Variants in FGF13 observed in about 807,000 individuals in gnomAD.
FGF13 encodes the protein fibroblast growth factor homologous factor 2.
FGF13 carries 2 observed loss-of-function variants against 19.5 expected under a neutral mutation model. That is an observed-to-expected ratio of 0.10 (90% CI 0.04 to 0.32). The LOEUF (loss-of-function observed/expected upper bound fraction) is 0.32. Among genes scored for constraint, FGF13 ranks in the 10% least tolerant of loss-of-function variants. FGF13 has a pLI of 1.00. For synonymous variants in FGF13, 72 were observed against 76.9 expected (o/e 0.94, Z 0.33); for missense variants, 113 against 192.7 (o/e 0.59, Z 2.45).
intron 1 of FGF13, among the ~76,000 whole-genome samples, chrX:138,880,069 C>A (rs1382763516): frequency 2.7e-5 from 3 of 112,006 alleles, no homozygotes; most frequent in Non-Finnish European, 5.6e-5. Flanking sequence ...GACCAACAAA[C>A]GTATGAAAAA....
intron 1 of FGF13, among the ~76,000 whole-genome samples, chrX:139,054,208 C>T (rs1184156024): frequency 1.2e-4 from 12 of 103,359 alleles, no homozygotes; most frequent in Non-Finnish European, 1.8e-4. Flanking sequence ...CTGCAAACTC[C>T]GCCTCCCGGG....
chrX:139,039,357 T>G (rs1259811736), intron 1 of FGF13, among the ~76,000 whole-genome samples: 1 of 111,939 alleles, frequency 8.9e-6, no homozygotes, highest in Non-Finnish European at 1.9e-5. Context: ...CATCAAGATT[T>G]TCTGAAGCCC....
chrX:139,082,205 C>T (rs1312640256), intron 1 of FGF13, among the ~76,000 whole-genome samples: 2 of 111,482 alleles, frequency 1.8e-5, no homozygotes, highest in Non-Finnish European at 3.8e-5. Context: ...AGCCTTTCCT[C>T]TGTCTAGAGT....
In FGF13 at chrX:138,969,247, G is replaced by A. The variant is rs750435636; in HGVS notation, c.-112-104597C>T. ...GATGGAGGAGAGGGATTGATTGGAG[G>A]TAAGGAATTCTGTTAAGTTATTGCT... is the stretch of plus-strand genomic sequence containing the variant. On this transcript the variant is annotated intron_variant, in intron 1 of 2. Coordinates refer to the FGF13 transcript ENST00000421460. 9.8e-5 allele frequency among the ~76,000 whole-genome samples: 11 copies of A among 111,879 alleles called. No individual in the cohort carries two copies. In the South Asian group the frequency reaches 4.2e-3, roughly 42 times the overall value.
intron 1 of FGF13, among the ~76,000 whole-genome samples, chrX:139,078,263 C>G (rs2083345490): frequency 9.2e-6 from 1 of 109,271 alleles, no homozygotes; most frequent in African/African-American, 3.3e-5. Flanking sequence ...GATACTGGGC[C>G]CTCACTTCGC....
rs1327034759 is a variant in FGF13 at position 138,874,200 on chromosome X, C to T, written c.-112-9550G>A. ...TAAAGTAAAATTAAAAAAAAAAAAC[C>T]ATTTCCCAATTCTCATACTAAGGAC... On this transcript the variant is annotated intron_variant, in intron 1 of 2. Transcript: ENST00000421460. Among the ~76,000 whole-genome samples, 4 of 99,467 alleles carry T rather than the reference C, an allele frequency of 4.0e-5. No individual in the cohort carries two copies. The East Asian group carries it at 1.3e-3, about 32-fold the overall frequency. 86.4% of individuals were successfully genotyped at this position (99,467 alleles called of 115,157 possible). A position where few individuals can be genotyped will look rare whatever the true frequency, so the allele number is the denominator to read the frequency against.
intron 3 of FGF13, among the ~76,000 whole-genome samples, chrX:138,761,783 A>G (rs1259952531): frequency 9.0e-6 from 1 of 111,269 alleles, no homozygotes; most frequent in Non-Finnish European, 1.9e-5. Context: ...TGATATTCCC[A>G]TACCTTGACT....
intron 1 of FGF13, among the ~76,000 whole-genome samples, chrX:138,883,906 C>A (rs1325108605): frequency 3.6e-5 from 4 of 112,006 alleles, no homozygotes; most frequent in Non-Finnish European, 5.6e-5. Context: ...TATTAACAAG[C>A]AAAATGCTAA....
intron 3 of FGF13, among the ~76,000 whole-genome samples, chrX:138,803,921 G>C (rs1318571698): frequency 8.9e-6 from 1 of 111,863 alleles, no homozygotes; most frequent in Non-Finnish European, 1.9e-5. Context: ...TTGGTCTTTT[G>C]ATTTGATGCC....
At chrX:138,742,414 AG>A (rs949879985), upstream of FGF13, among the ~76,000 whole-genome samples, 10 of 112,011 alleles carry the variant, frequency 8.9e-5, no homozygotes, top group African/African-American at 3.2e-4. Context: ...GTTTTAATCC[AG>A]ATAGTGTAAA....
rs373214768 is a variant in FGF13 at position 139,109,686 on chromosome X, C to T, written c.-113+93730G>A. Among the ~76,000 whole-genome samples, 4 of 111,559 alleles carry T rather than the reference C, an allele frequency of 3.6e-5. No homozygotes were observed. The East Asian group carries it at 1.1e-3, about 31-fold the overall frequency. On this transcript the variant is annotated intron_variant, in intron 1 of 2. Coordinates refer to the FGF13 transcript ENST00000421460. ...TGAATAATGACCAAAACTTCTTCAC[C>T]TGGCTGTTGAGAGGCTCAAGTGAAA...
chrX:138,839,290 C>T (rs2091133466), intron 3 of FGF13, among the ~76,000 whole-genome samples: 1 of 110,745 alleles, frequency 9.0e-6, no homozygotes, highest in Non-Finnish European at 1.9e-5. Context: ...CCAAATAAAT[C>T]ATTAAAAAAA....
At chrX:139,157,972 T>A (rs1303348886) in intron 1 of FGF13, among the ~76,000 whole-genome samples, 1 of 111,754 alleles carries the variant, frequency 8.9e-6, no homozygotes, top group African/African-American at 3.3e-5. Flanking sequence ...TGAAGCAGGG[T>A]GGGGCGTTGC....
intron 3 of FGF13, among the ~76,000 whole-genome samples, chrX:138,765,766 A>T (rs1185048420): frequency 9.0e-6 from 1 of 111,380 alleles, no homozygotes; most frequent in African/African-American, 3.3e-5. Flanking sequence ...TAGAGAAAAC[A>T]TCACCATCCT....
chrX:138,750,224 A>AT (rs923196746), intron 3 of FGF13, among the ~76,000 whole-genome samples: 19 of 111,265 alleles, frequency 1.7e-4, no homozygotes, highest in Admixed American at 1.6e-3. Flanking sequence ...GCATTTCCCC[A>AT]TTTTTTTAAA....
Position 139,088,767 on chromosome X carries a change from T to C in FGF13, c.-113+114649A>G, listed in dbSNP as rs1322815988. On this transcript the variant is annotated intron_variant, in intron 1 of 2. Transcript: ENST00000421460. ...ACACTCCATCGAGGAGGCTACAGTC[T>C]GAATGTCTGCATCCCCACAAAACTC... Among the ~76,000 whole-genome samples the C allele has an allele frequency of 2.7e-5, 3 of 111,780 alleles. No individual in the cohort carries two copies. In the Admixed American group the frequency reaches 2.8e-4, roughly 11 times the overall value.
intron 1 of FGF13, among the ~76,000 whole-genome samples, chrX:139,005,274 CA>C (rs1317318402): frequency 2.1e-5 from 2 of 93,974 alleles, no homozygotes; most frequent in East Asian, 7.3e-4. Flanking sequence ...GGGAAGAGAA[CA>C]AAAGTTTTTG....
chrX:138,865,123 G>A (rs1464790621), intron 1 of FGF13, among the ~76,000 whole-genome samples: 3 of 111,627 alleles, frequency 2.7e-5, no homozygotes, highest in African/African-American at 9.8e-5. Flanking sequence ...ATTGGAGAAC[G>A]ACTCTCCCAA....
intron 3 of FGF13, among the ~76,000 whole-genome samples, chrX:138,768,684 T>TTA (rs1454243186): frequency 6.9e-5 from 7 of 100,845 alleles, no homozygotes; most frequent in Non-Finnish European, 1.2e-4. Context: ...TATATCATAC[T>TTA]TATATATAAG....
Sources: allele counts gnomAD v4.1 joint callset (sites outside exome capture counted in the v4.1 genomes callset), GRCh38; gene constraint gnomAD v4.1.1; transcripts MANE v1.5; gene names NCBI Gene and HGNC (gene_info 2026-07-23, HGNC 2026-07-21).